The following COBL variants were observed in gnomAD, a reference collection of about 807,000 sequenced individuals.
The protein encoded by COBL is protein cordon-bleu.
COBL carries 51 observed loss-of-function variants against 98.8 expected under a neutral mutation model. The observed-to-expected ratio is 0.52, with a 90% CI of 0.41 to 0.65. The LOEUF is 0.65. COBL is among the 30% of genes least tolerant of loss of function. COBL has a pLI of 0.00. For synonymous variants in COBL, 634 were observed against 651.7 expected (o/e 0.97, Z 0.41); for missense variants, 1,617 against 1,617.5 (o/e 1.00, Z 0.01).
At chr7:51,066,174 T>C (rs946681952) in intron 7 of COBL, among the ~76,000 whole-genome samples, 1 of 152,236 alleles carries the variant, frequency 6.6e-6, no homozygotes, top group Admixed American at 6.5e-5. Context: ...ACATGGTGAC[T>C]GTCTCAGTCT....
At chr7:51,310,687 A>C (rs1311782798) in intron 1 of COBL, among the ~76,000 whole-genome samples, 1 of 152,102 alleles carries the variant, frequency 6.6e-6, no homozygotes, top group South Asian at 2.1e-4. Flanking sequence ...TTTGAGACAG[A>C]GTCTCTTTCT....
At chr7:51,069,989 A>G (rs1792352768) in intron 7 of COBL, among the ~76,000 whole-genome samples, 1 of 152,148 alleles carries the variant, frequency 6.6e-6, no homozygotes, top group Non-Finnish European at 1.5e-5. Context: ...CTTTACTGAA[A>G]AATATACTCA....
At chr7:51,109,947 G>T (rs1376358616) in intron 6 of COBL, among the ~76,000 whole-genome samples, 4 of 152,166 alleles carry the variant, frequency 2.6e-5, no homozygotes, top group Non-Finnish European at 4.4e-5. Context: ...AGAGCAAGGG[G>T]ATGGAAACTG....
At chr7:51,108,917 G>C (rs6150106) in intron 6 of COBL, among the ~76,000 whole-genome samples, 10 of 57,918 alleles carry the variant, frequency 1.7e-4, no homozygotes, top group Non-Finnish European at 3.3e-4. Context: ...CTGACACATA[G>C]ACACACACAC....
intron 6 of COBL, among the ~76,000 whole-genome samples, chr7:51,125,734 AGCTCTC>A (rs1798139039): frequency 6.6e-6 from 1 of 152,152 alleles, no homozygotes; most frequent in African/African-American, 2.4e-5. Flanking sequence ...ACATATTCAT[AGCTCTC>A]TTGCCCCAAT....
At chr7:51,308,018 C>G (rs1449939541) in intron 1 of COBL, among the ~76,000 whole-genome samples, 1 of 152,184 alleles carries the variant, frequency 6.6e-6, no homozygotes, top group Non-Finnish European at 1.5e-5. Context: ...CCACCCAAAA[C>G]CAATTCTACC....
chr7:51,225,865 G>A (rs1310493610), intron 1 of COBL, among the ~76,000 whole-genome samples: 2 of 152,156 alleles, frequency 1.3e-5, no homozygotes, highest in Admixed American at 6.5e-5. Flanking sequence ...AATGCAAATC[G>A]CAGGTGTGAG....
chr7:51,259,366 T>A (rs1474109591), intron 1 of COBL: 4 of 309,754 alleles, frequency 1.3e-5, no homozygotes, highest in Non-Finnish European at 6.0e-6. Context: ...CACTTTTAAG[T>A]GGCAAGGCAT....
At chr7:51,188,159 C>A (rs975468586) in intron 4 of COBL, among the ~76,000 whole-genome samples, 6 of 152,240 alleles carry the variant, frequency 3.9e-5, no homozygotes, top group African/African-American at 1.4e-4. Flanking sequence ...CCGCTGAGGA[C>A]GCAGGTGGCA....
chr7:51,057,229 C>T (rs56716272), intron 7 of COBL, among the ~76,000 whole-genome samples: 3 of 152,108 alleles, frequency 2.0e-5, no homozygotes, highest in Admixed American at 2.0e-4. Flanking sequence ...TATTTCATTG[C>T]TAGTCATTGT....
intron 6 of COBL, among the ~76,000 whole-genome samples, chr7:51,100,940 C>G (rs529194250): frequency 6.6e-6 from 1 of 151,618 alleles, no homozygotes; most frequent in South Asian, 2.1e-4. Flanking sequence ...CAAAAAAAAA[C>G]GCAGCAGCAG....
intron 7 of COBL, among the ~76,000 whole-genome samples, chr7:51,077,610 C>T (rs1325766214): frequency 1.3e-5 from 2 of 152,212 alleles, no homozygotes; most frequent in Non-Finnish European, 2.9e-5. Context: ...CAAGATTATG[C>T]TTTCTACAGC....
chr7:51,250,456 A>G (rs996827819), intron 1 of COBL, among the ~76,000 whole-genome samples: 38 of 152,218 alleles, frequency 2.5e-4, no homozygotes, highest in African/African-American at 9.2e-4. Context: ...CTGTGGACAA[A>G]TTTTATAAAG....
Position 51,025,380 on chromosome 7 carries a change from T to A in COBL, c.3505-8A>T, listed in dbSNP as rs371550890. 1.9e-4 allele frequency: 301 copies of A among 1,610,288 alleles called. No individual in the cohort carries two copies. The highest frequency in any genetic ancestry group is 9.8e-4 in the African/African-American group (73 of 74,788). ...AGAAGCAGAGGATGCCACCTGGCAA[T>A]GAGATGATTAAATGACTGCTATAGA... On this transcript the variant is annotated splice_polypyrimidine_tract_variant and splice_region_variant and intron_variant, in intron 11 of 12. Transcript: ENST00000265136.
At chr7:51,256,251 CTCAA>C (rs1003644745) in intron 1 of COBL, among the ~76,000 whole-genome samples, 3 of 152,116 alleles carry the variant, frequency 2.0e-5, no homozygotes, top group Non-Finnish European at 4.4e-5. Context: ...AATTAGCATT[CTCAA>C]TCTATATATA....
At chr7:51,270,558 TAA>T (rs775712140) in intron 1 of COBL, among the ~76,000 whole-genome samples, 9 of 152,290 alleles carry the variant, frequency 5.9e-5, no homozygotes, top group Non-Finnish European at 1.2e-4. Context: ...TTTCACTGGA[TAA>T]ACAGATAATG....
rs116879712 is a variant in COBL at position 51,264,445 on chromosome 7, T to A, written c.42-44501A>T. Among the ~76,000 whole-genome samples, 1,163 of 151,498 alleles carry A rather than the reference T, an allele frequency of 7.7e-3. 59 individuals carry two copies. The South Asian group carries it at 0.13, about 17-fold the overall frequency. Reference sequence around the variant, plus strand: ...TACCAATTTGGGAGGTCAACACGGGTGGATCACCTGAGGTGAGGAGTTCGA... The same window carrying A: ...TACCAATTTGGGAGGTCAACACGGGAGGATCACCTGAGGTGAGGAGTTCGA... On this transcript the variant is annotated intron_variant, in intron 1 of 12. Transcript: ENST00000265136.
At position 51,243,902 on chromosome 7, in the gene COBL, A is replaced by G. The variant is rs542059895; in HGVS notation, c.42-23958T>C. Among the ~76,000 whole-genome samples the G allele has an allele frequency of 5.3e-5, 8 of 152,292 alleles. No homozygotes were observed. In the East Asian group the frequency reaches 1.5e-3, roughly 29 times the overall value. Reference sequence around the variant, plus strand: ...CTCTTCTTGGTTTTGGTATTGTCCTATACTACAGATGACACAACCACGGGG... The same window carrying G: ...CTCTTCTTGGTTTTGGTATTGTCCTGTACTACAGATGACACAACCACGGGG... On this transcript the variant is annotated intron_variant, in intron 1 of 12. Transcript: ENST00000265136.
rs774372764 is a variant in COBL at position 51,043,395 on chromosome 7, T to A, written c.1394A>T (p.Asn465Ile). The A allele has an allele frequency of 4.6e-5, 74 of 1,614,002 alleles. No homozygotes were observed. Among genetic ancestry groups the A allele is most frequent in the Non-Finnish European group, 5.9e-5 (70 of 1,179,960 alleles). Residue 465 changes from asparagine (N) to isoleucine (I), a missense_variant, in exon 8 of 13, where the codon AAC becomes ATC. Physicochemically the swap from Asn to Ile is moderately radical, Grantham distance 149. This residue lies in a region of COBL where 1,304 missense variants were observed against 1,282.0 expected (regional missense o/e 1.02). Coordinates refer to ENST00000265136, the MANE Select transcript of COBL (RefSeq NM_015198.5). ...SPLWEKNGSE[N>I]SHLRTEKAVT... ...TCCCGTGACTCACCTCAGATGTGAG[T>A]TCTCAGAGCCATTCTTCTCCCACAA...
Sources: gnomAD v4.1 joint callset for allele counts (sites outside exome capture counted in the v4.1 genomes callset) on GRCh38, gnomAD v4.1.1 for gene constraint, gnomAD v4.1.1 regional missense constraint, MANE v1.5 for transcripts, NCBI Gene and HGNC (gene_info 2026-07-23, HGNC 2026-07-21) for gene names.